KCNAB1: variants seen among roughly 807,000 people sequenced by gnomAD.
The protein encoded by KCNAB1 is potassium voltage-gated channel subfamily A regulatory beta subunit 1.
In KCNAB1, 35 loss-of-function variants were observed where a neutral mutation model predicts 64.6. The ratio of observed to expected loss-of-function variants is 0.54; its 90% confidence interval spans 0.41 to 0.72. The LOEUF (loss-of-function observed/expected upper bound fraction) is 0.72. Among genes scored for constraint, KCNAB1 ranks in the 30% least tolerant of loss-of-function variants. The probability of loss-of-function intolerance (pLI) is 0.00; values close to 1 mark genes in which losing one functional copy is unlikely to be tolerated. For synonymous variants in KCNAB1, 177 were observed against 183.8 expected (o/e 0.96, Z 0.30); for missense variants, 401 against 512.9 (o/e 0.78, Z 2.11).
At chr3:156,190,891 C>T (rs531492730) in intron 1 of KCNAB1, among the ~76,000 whole-genome samples, 2 of 152,120 alleles carry the variant, frequency 1.3e-5, no homozygotes, top group Non-Finnish European at 2.9e-5. Flanking sequence ...CAGGGTTTAG[C>T]CACGTTGGCC....
intron 1 of KCNAB1, among the ~76,000 whole-genome samples, chr3:156,277,561 G>T (rs1033632301): frequency 6.6e-6 from 1 of 152,040 alleles, no homozygotes; most frequent in African/African-American, 2.4e-5. Context: ...CTGTGTTGTT[G>T]CAAATGGTGG....
chr3:156,352,541 T>C lies in KCNAB1; in HGVS notation c.276-69075T>C, dbSNP rs114027501. 1.7e-3 allele frequency among the ~76,000 whole-genome samples: 252 copies of C among 152,326 alleles called. 1 individual carries two copies. The highest frequency in any genetic ancestry group is 7.7e-3 in the East Asian group (40 of 5,176). On this transcript the variant is annotated intron_variant, in intron 1 of 13. Transcript: ENST00000490337. ...CATCCACTCCCAATCCTCAGCTATG[T>C]TTGGGTCTTTCTAGAGTATCCCATA...
chr3:156,536,816 C>A lies in KCNAB1; in HGVS notation c.*69C>A. ...CTGTGCCCAGTACAGAAAGGTGTTA[C>A]TAACCAGTCTTTTGAATCACTTAGC... On this transcript the variant is annotated 3_prime_UTR_variant, in exon 14 of 14. Coordinates refer to ENST00000490337, the MANE Select transcript of KCNAB1 (RefSeq NM_172160.3). 1 of 1,068,870 alleles carries A rather than the reference C, an allele frequency of 9.4e-7. No individual in the cohort carries two copies. The highest frequency in any genetic ancestry group is 1.5e-6 in the Non-Finnish European group (1 of 689,050). 66.2% of individuals were successfully genotyped at this position (1,068,870 alleles called of 1,614,324 possible).
chr3:156,238,162 G>A (rs374791624), intron 1 of KCNAB1, among the ~76,000 whole-genome samples: 2 of 152,130 alleles, frequency 1.3e-5, no homozygotes, highest in African/African-American at 4.8e-5. Context: ...GGTGGCTCAC[G>A]CCTGTAATCC....
At chr3:156,423,226 A>C (rs984977864) in intron 2 of KCNAB1, among the ~76,000 whole-genome samples, 1 of 152,248 alleles carries the variant, frequency 6.6e-6, no homozygotes, top group African/African-American at 2.4e-5. Flanking sequence ...TGCACGTGGA[A>C]GAAATGACCA....
At chr3:156,411,212 T>A (rs1195562430) in intron 1 of KCNAB1, among the ~76,000 whole-genome samples, 6 of 152,204 alleles carry the variant, frequency 3.9e-5, no homozygotes, top group Non-Finnish European at 7.4e-5. Context: ...TTTTTTCATA[T>A]GCTTATTTGC....
intron 1 of KCNAB1, among the ~76,000 whole-genome samples, chr3:156,351,392 C>T (rs1183622507): frequency 6.6e-6 from 1 of 152,358 alleles, no homozygotes; most frequent in East Asian, 1.9e-4. Flanking sequence ...TGTAGGCTCT[C>T]TCTTCCCACT....
chr3:156,233,637 A>G (rs889260035), intron 1 of KCNAB1, among the ~76,000 whole-genome samples: 7 of 152,148 alleles, frequency 4.6e-5, no homozygotes, highest in Non-Finnish European at 7.4e-5. Context: ...CAAGGGCAAA[A>G]GCAGAAAGGC....
intron 1 of KCNAB1, among the ~76,000 whole-genome samples, chr3:156,282,284 G>T (rs1429987704): frequency 6.7e-6 from 1 of 149,772 alleles, no homozygotes; most frequent in African/African-American, 2.5e-5. Context: ...TTTTGAGTGA[G>T]ATTCTTAATC....
At chr3:156,421,993 C>T (rs1715495881) in intron 2 of KCNAB1, among the ~76,000 whole-genome samples, 1 of 152,204 alleles carries the variant, frequency 6.6e-6, no homozygotes, top group South Asian at 2.1e-4. Flanking sequence ...TCACCACTCC[C>T]TCAATTCACC....
chr3:156,142,846 A>C, intron 1 of KCNAB1: 1 of 291,052 alleles, frequency 3.4e-6, no homozygotes, highest in South Asian at 1.3e-4. Flanking sequence ...AAATAGAAAG[A>C]CATGGGAAAA....
chr3:156,228,718 G>T (rs1413606642), intron 1 of KCNAB1, among the ~76,000 whole-genome samples: 1 of 152,164 alleles, frequency 6.6e-6, no homozygotes, highest in Non-Finnish European at 1.5e-5. Flanking sequence ...CTTGACCTAG[G>T]TTGGAGTCAA....
intron 1 of KCNAB1, among the ~76,000 whole-genome samples, chr3:156,397,730 G>A (rs572429738): frequency 6.6e-6 from 1 of 152,194 alleles, no homozygotes; most frequent in East Asian, 1.9e-4. Context: ...CAGGGTAAAT[G>A]GAGCTTCTTT....
intron 1 of KCNAB1, chr3:156,176,789 C>A: frequency 1.2e-6 from 1 of 868,202 alleles, no homozygotes; most frequent in Admixed American, 1.7e-5. Flanking sequence ...AAGCTCCTGG[C>A]GTCGCCTGCT....
intron 1 of KCNAB1, among the ~76,000 whole-genome samples, chr3:156,400,302 TAAC>T (rs1349178990): frequency 1.3e-5 from 2 of 152,242 alleles, no homozygotes; most frequent in Admixed American, 1.3e-4. Context: ...CCTGCAAAGA[TAAC>T]CACCACTGTG....
chr3:156,251,900 C>G (rs1717851852), intron 1 of KCNAB1, among the ~76,000 whole-genome samples: 1 of 152,184 alleles, frequency 6.6e-6, no homozygotes. Flanking sequence ...TGCTGAATAT[C>G]TGTCAAAGCT....
At chr3:156,148,533 A>G (rs1366012632) in intron 1 of KCNAB1, among the ~76,000 whole-genome samples, 1 of 152,186 alleles carries the variant, frequency 6.6e-6, no homozygotes, top group Non-Finnish European at 1.5e-5. Context: ...ATGCTACTTA[A>G]TCTTGTTAAG....
chr3:156,312,228 A>G (rs2108008611), intron 1 of KCNAB1, among the ~76,000 whole-genome samples: 1 of 152,336 alleles, frequency 6.6e-6, no homozygotes, highest in African/African-American at 2.4e-5. Context: ...TGACTATATT[A>G]ACATAGACCA....
chr3:156,387,928 G>A (rs975641729), intron 1 of KCNAB1, among the ~76,000 whole-genome samples: 8 of 152,270 alleles, frequency 5.3e-5, no homozygotes, highest in Admixed American at 2.0e-4. Flanking sequence ...AAAATTCACC[G>A]CGTATTTGTT....
Sources: gnomAD v4.1 joint callset for allele counts (sites outside exome capture counted in the v4.1 genomes callset) on GRCh38, gnomAD v4.1.1 for gene constraint, MANE v1.5 for transcripts, NCBI Gene and HGNC (gene_info 2026-07-23, HGNC 2026-07-21) for gene names.